GNAS-AS1: variants seen among roughly 807,000 people sequenced by gnomAD.
GNAS-AS1 encodes the protein GNAS antisense RNA 1 (non-protein coding).
At position 58,841,195 on chromosome 20, in the gene GNAS-AS1, T is replaced by C; in HGVS notation, n.819+742A>G. On this transcript the variant is annotated intron_variant and non_coding_transcript_variant, in intron 4 of 4. Transcript: ENST00000424094. This position sits in a 1 kb window ranked among gnomAD's most constrained non-coding sequence, Gnocchi z 5.0. ...ACTGAATCCCGAACGCACCCCAGAT[T>C]TGGAGCTGCACACCCAAACGGCATT... 1 of 560,156 alleles carries C rather than the reference T, an allele frequency of 1.8e-6. No individual in the cohort carries two copies. Among genetic ancestry groups the C allele is most frequent in the Non-Finnish European group, 2.7e-6 (1 of 376,270 alleles). The allele number at this position is 560,156 out of a possible 1,614,324, so 34.7% of individuals were successfully genotyped here. A position where few individuals can be genotyped will look rare whatever the true frequency, so the allele number is the denominator to read the frequency against.
chr20:58,825,785 G>A (rs1332760351), intron 4 of GNAS-AS1, among the ~76,000 whole-genome samples: 3 of 152,176 alleles, frequency 2.0e-5, no homozygotes, highest in Admixed American at 1.3e-4. Flanking sequence ...CAGTCTGAAC[G>A]GACCCTACCC....
chr20:58,824,429 G>C (rs1178890931), intron 4 of GNAS-AS1, among the ~76,000 whole-genome samples: 1 of 152,154 alleles, frequency 6.6e-6, no homozygotes. Context: ...AGAAAGGTGA[G>C]CAAAGTCCCA....
At chr20:58,848,473 T>C (rs943302262) in intron 2 of GNAS-AS1, among the ~76,000 whole-genome samples, 2 of 152,226 alleles carry the variant, frequency 1.3e-5, no homozygotes, top group African/African-American at 4.8e-5. Flanking sequence ...TCTTTTCCCA[T>C]GATGGCAATC....
In GNAS-AS1 at chr20:58,840,526, G is replaced by A. The variant is rs778096004; in HGVS notation, n.819+1411C>T. On this transcript the variant is annotated intron_variant and non_coding_transcript_variant, in intron 4 of 4. Transcript: ENST00000424094. This position sits in a 1 kb window ranked among gnomAD's most constrained non-coding sequence, Gnocchi z 6.0. Reference sequence around the variant, plus strand: ...CCCCCACCACTGAGCCCGAGACCGAGCCTGAAGACGATCGCGGCCCGGTGG... The same window carrying A: ...CCCCCACCACTGAGCCCGAGACCGAACCTGAAGACGATCGCGGCCCGGTGG... The A allele has an allele frequency of 1.9e-6, 3 of 1,613,592 alleles. No homozygotes were observed. Among genetic ancestry groups the A allele is most frequent in the Non-Finnish European group, 2.5e-6 (3 of 1,179,998 alleles).
chr20:58,839,745 C>T (rs1056143210), intron 4 of GNAS-AS1: 24 of 521,182 alleles, frequency 4.6e-5, no homozygotes, highest in Non-Finnish European at 7.7e-5. Flanking sequence ...CCCTCCTCGC[C>T]TCAGTCTCCT....
At chr20:58,850,724 T>C (rs1358719444) in exon 1 of GNAS-AS1, 1 of 398,806 alleles carries the variant, frequency 2.5e-6, no homozygotes, top group Admixed American at 4.4e-5. Flanking sequence ...CACCCAAGGG[T>C]TGGCCCCTGG....
At chr20:58,835,316 T>G (rs1219438325) in intron 4 of GNAS-AS1, among the ~76,000 whole-genome samples, 1 of 152,186 alleles carries the variant, frequency 6.6e-6, no homozygotes, top group Non-Finnish European at 1.5e-5. Flanking sequence ...CAATCCATTA[T>G]CTTGAGTTTC....
intron 4 of GNAS-AS1, chr20:58,839,645 C>A (rs554584733): frequency 7.0e-6 from 3 of 429,378 alleles, no homozygotes; most frequent in African/African-American, 6.1e-5. Context: ...GGCGCCACCA[C>A]GCAGCTCGCG....
rs190395960 is a variant in GNAS-AS1 at position 58,840,471 on chromosome 20, A to G, written n.819+1466T>C. ...GAGACCGAGTCCGAAATCGAGTCCGAGACCGACTTCGAGACCGAGCCTGAG... is the reference window on the plus strand; with the variant it reads ...GAGACCGAGTCCGAAATCGAGTCCGGGACCGACTTCGAGACCGAGCCTGAG... On this transcript the variant is annotated intron_variant and non_coding_transcript_variant, in intron 4 of 4. Transcript: ENST00000424094. This position sits in a 1 kb window ranked among gnomAD's most constrained non-coding sequence, Gnocchi z 6.0. 2 of 1,613,462 alleles carry G rather than the reference A, an allele frequency of 1.2e-6. No individual in the cohort carries two copies. Among genetic ancestry groups the G allele is most frequent in the Non-Finnish European group, 1.7e-6 (2 of 1,179,878 alleles).
chr20:58,840,282 A>C lies in GNAS-AS1; in HGVS notation n.819+1655T>G. 6.2e-7 allele frequency: 1 copy of C among 1,612,330 alleles called. No homozygotes were observed. Among genetic ancestry groups the C allele is most frequent in the Non-Finnish European group, 8.5e-7 (1 of 1,179,942 alleles). Reference sequence around the variant, plus strand: ...CGTGCCCAGCAGCGCGCGGCTGCCCAACAGCGCCGGAGCTTCCTTAACGCC... The same window carrying C: ...CGTGCCCAGCAGCGCGCGGCTGCCCCACAGCGCCGGAGCTTCCTTAACGCC... On this transcript the variant is annotated intron_variant and non_coding_transcript_variant, in intron 4 of 4. Transcript: ENST00000424094. This position sits in a 1 kb window ranked among gnomAD's most constrained non-coding sequence, Gnocchi z 6.0.
At chr20:58,842,192 G>T in exon 4 of GNAS-AS1, 1 of 398,600 alleles carries the variant, frequency 2.5e-6, no homozygotes, top group South Asian at 1.3e-4. Flanking sequence ...CCTTCGGAAG[G>T]GAAGGCGTGC....
chr20:58,831,930 A>G (rs2085571034), intron 4 of GNAS-AS1, among the ~76,000 whole-genome samples: 1 of 152,188 alleles, frequency 6.6e-6, no homozygotes, highest in South Asian at 2.1e-4. Flanking sequence ...CCCCACTACA[A>G]CATCTTTCGT....
At chr20:58,822,778 T>C (rs1298631519) in intron 4 of GNAS-AS1, among the ~76,000 whole-genome samples, 1 of 151,934 alleles carries the variant, frequency 6.6e-6, no homozygotes. Flanking sequence ...GGCAGATAAA[T>C]AAGTCGCCCC....
chr20:58,838,561 C>T (rs1327103793), intron 4 of GNAS-AS1, among the ~76,000 whole-genome samples: 1 of 152,066 alleles, frequency 6.6e-6, no homozygotes, highest in Admixed American at 6.6e-5. Flanking sequence ...ACCTTCAGCA[C>T]CTAAAACACA....
intron 4 of GNAS-AS1, among the ~76,000 whole-genome samples, chr20:58,830,077 T>C (rs1385450311): frequency 6.6e-6 from 1 of 151,992 alleles, no homozygotes; most frequent in Admixed American, 6.6e-5. Flanking sequence ...TTAGGCTCTT[T>C]CTGCATGGCT....
At chr20:58,824,699 C>G (rs1335331610) in intron 4 of GNAS-AS1, among the ~76,000 whole-genome samples, 2 of 152,210 alleles carry the variant, frequency 1.3e-5, no homozygotes, top group Non-Finnish European at 2.9e-5. Context: ...CTTGTGGTCT[C>G]CCCTGCCAGA....
At chr20:58,845,155 T>C (rs533222144) in intron 2 of GNAS-AS1, among the ~76,000 whole-genome samples, 1 of 152,314 alleles carries the variant, frequency 6.6e-6, no homozygotes, top group Admixed American at 6.5e-5. Context: ...TTGGAGAGGC[T>C]AACCACTGTG....
At chr20:58,821,380 A>C (rs1208613454) in intron 4 of GNAS-AS1, among the ~76,000 whole-genome samples, 1 of 152,194 alleles carries the variant, frequency 6.6e-6, no homozygotes, top group Non-Finnish European at 1.5e-5. Context: ...TCCAGGCAGC[A>C]TTTGAAAGGC....
chr20:58,841,341 G>A lies in GNAS-AS1; in HGVS notation n.819+596C>T. The A allele has an allele frequency of 1.9e-6, 2 of 1,060,442 alleles. No homozygotes were observed. The highest frequency in any genetic ancestry group is 2.3e-6 in the Non-Finnish European group (2 of 876,424). 65.7% of individuals were successfully genotyped at this position (1,060,442 alleles called of 1,614,324 possible). A position where few individuals can be genotyped will look rare whatever the true frequency, so the allele number is the denominator to read the frequency against. On this transcript the variant is annotated intron_variant and non_coding_transcript_variant, in intron 4 of 4. Transcript: ENST00000424094. The surrounding 1 kb of genome is among the most constrained non-coding windows in gnomAD (Gnocchi z 5.0). ...GCGCGCGCCAACTTTCACGATGTGA[G>A]AGCAGCCGCGCTGTAGAGACACCGT...
Sources: allele counts gnomAD v4.1 joint callset (sites outside exome capture counted in the v4.1 genomes callset), GRCh38; gene constraint gnomAD v4.1.1; non-coding constraint Gnocchi (gnomAD v3.1); transcripts MANE v1.5; gene names NCBI Gene and HGNC (gene_info 2026-07-23, HGNC 2026-07-21).